GTF2I: variants seen among roughly 807,000 people sequenced by gnomAD.
GTF2I encodes the protein general transcription factor II-I.
In GTF2I, 12 loss-of-function variants were observed where a neutral mutation model predicts 67.6. The ratio of observed to expected loss-of-function variants is 0.18; its 90% CI spans 0.11 to 0.29. The LOEUF is 0.29. Ranked by LOEUF, GTF2I falls within the 10% of genes least tolerant of loss-of-function variation. GTF2I has a pLI of 1.00. For missense variants in GTF2I, 271 were observed against 580.1 expected, an observed-to-expected ratio of 0.47 and a Z score of 5.47; for synonymous variants, 149 against 197.0, an observed-to-expected ratio of 0.76 and a Z score of 2.04.
At chr7:74,697,877 TC>T (rs1215476300) in intron 3 of GTF2I, among the ~76,000 whole-genome samples, 1 of 152,134 alleles carries the variant, frequency 6.6e-6, no homozygotes, top group Non-Finnish European at 1.5e-5. Context: ...CAAGCAATTC[TC>T]CTGCCTCAGC....
chr7:74,753,501 GT>G (rs1795959689), intron 29 of GTF2I, among the ~76,000 whole-genome samples: 1 of 150,696 alleles, frequency 6.6e-6, no homozygotes, highest in South Asian at 2.1e-4. Context: ...GTGAAACCCT[GT>G]CTCTACTAAA....
chr7:74,730,775 C>T (rs1237630997), intron 14 of GTF2I, among the ~76,000 whole-genome samples: 2 of 107,764 alleles, frequency 1.9e-5, no homozygotes, highest in Non-Finnish European at 3.4e-5. Context: ...AGTACAATCT[C>T]GGCTCATTGC....
intron 1 of GTF2I, among the ~76,000 whole-genome samples, chr7:74,679,885 A>G (rs587670144): frequency 6.6e-6 from 1 of 151,990 alleles, no homozygotes; most frequent in East Asian, 1.9e-4. Flanking sequence ...GTTCAAGACC[A>G]GCCTGGCCAA....
Position 74,698,984 on chromosome 7 carries a change from GC to G in GTF2I, c.263del (p.Ala88GlufsTer6). On this transcript the variant is annotated frameshift_variant, in exon 4 of 35. Coordinates refer to ENST00000573035, the MANE Select transcript of GTF2I (RefSeq NM_032999.4). LOFTEE classifies it high-confidence loss of function. ...AGGTGTTGAAGAAGAAGAAAAAGCTGCAGAGATGCATAAAATGAAATCTACA... is the reference window on the plus strand; with the variant it reads ...AGGTGTTGAAGAAGAAGAAAAAGCTGAGAGATGCATAAAATGAAATCTACA... ...KYCVEEEEKA[A>X]EMHKMKSTTQ... is the part of the protein sequence containing the mutation. 6.9e-7 allele frequency: 1 copy of G among 1,456,800 alleles called. No individual in the cohort carries two copies. Among genetic ancestry groups the G allele is most frequent in the Non-Finnish European group, 9.2e-7 (1 of 1,088,142 alleles). 90.2% of individuals were successfully genotyped at this position (1,456,800 alleles called of 1,614,324 possible).
chr7:74,680,099 A>AATATATATATATATAT (rs1554393663), intron 1 of GTF2I, among the ~76,000 whole-genome samples: 4 of 94,972 alleles, frequency 4.2e-5, no homozygotes, highest in African/African-American at 8.0e-5. Flanking sequence ...AAAAAAAAAA[A>AATATATATATATATAT]ATATATATAT....
In GTF2I at chr7:74,668,026, G is replaced by A. The variant is rs145191793; in HGVS notation, c.-6+9958G>A. Among the ~76,000 whole-genome samples the A allele has an allele frequency of 5.7e-3, 861 of 151,484 alleles. 9 individuals carry two copies. The highest frequency in any genetic ancestry group is 0.02 in the African/African-American group (816 of 41,282). ...TTTTTGTATTTTTAGTAGAGATGGG[G>A]TTTCACCATGTTAGCCAGGATGGTC... On this transcript the variant is annotated intron_variant, in intron 1 of 34. Transcript: ENST00000573035.
chr7:74,703,645 G>A (rs1363530233), intron 6 of GTF2I, among the ~76,000 whole-genome samples: 1 of 152,208 alleles, frequency 6.6e-6, no homozygotes, highest in Non-Finnish European at 1.5e-5. Flanking sequence ...CTCCCAGAGT[G>A]CTGGGATTAT....
chr7:74,688,711 C>G (rs892793282), intron 1 of GTF2I, among the ~76,000 whole-genome samples: 1 of 152,170 alleles, frequency 6.6e-6, no homozygotes, highest in Non-Finnish European at 1.5e-5. Context: ...CTCCACTCAG[C>G]CTCAGTCCAC....
intron 8 of GTF2I, among the ~76,000 whole-genome samples, chr7:74,707,333 C>T (rs1014865013): frequency 6.6e-6 from 1 of 152,210 alleles, no homozygotes; most frequent in African/African-American, 2.4e-5. Context: ...GCCCTGCCTG[C>T]CCCCTCATCT....
intron 8 of GTF2I, among the ~76,000 whole-genome samples, chr7:74,707,695 G>T (rs1180025522): frequency 2.0e-5 from 3 of 151,850 alleles, no homozygotes; most frequent in African/African-American, 7.3e-5. Context: ...TTTTTGTGTG[G>T]TTTTCAGTAG....
intron 12 of GTF2I, among the ~76,000 whole-genome samples, chr7:74,723,370 G>A (rs1235131276): frequency 9.2e-5 from 13 of 140,606 alleles, no homozygotes; most frequent in Admixed American, 6.7e-4. Context: ...CTCGTGATCC[G>A]CCCACCTCAC....
intron 1 of GTF2I, among the ~76,000 whole-genome samples, chr7:74,683,418 T>G (rs1554394618): frequency 6.6e-6 from 1 of 152,116 alleles, no homozygotes; most frequent in Admixed American, 6.6e-5. Flanking sequence ...AAAATACCTT[T>G]CAAGAAAAAT....
rs587748611 is a variant in GTF2I at position 74,669,806 on chromosome 7, C to A, written c.-6+11738C>A. ...TCGACCTCCCAAAGTGCGGGGATTA[C>A]AGGTGTGAGCCACCGTGTCCGGCCA... On this transcript the variant is annotated intron_variant, in intron 1 of 34. Coordinates refer to ENST00000573035, the MANE Select transcript of GTF2I (RefSeq NM_032999.4). Among the ~76,000 whole-genome samples the A allele has an allele frequency of 3.9e-5, 6 of 152,272 alleles. No individual in the cohort carries two copies. In the South Asian group the frequency reaches 1.2e-3, roughly 32 times the overall value.
At chr7:74,662,570 G>A (rs1404758695) in intron 1 of GTF2I, among the ~76,000 whole-genome samples, 2 of 128,012 alleles carry the variant, frequency 1.6e-5, no homozygotes, top group Non-Finnish European at 3.1e-5. Flanking sequence ...TCGCCCAGGC[G>A]GGAGTGTAGG....
intron 11 of GTF2I, 44 bp downstream of exon 11, chr7:74,716,994 T>C (rs1554403763): frequency 6.4e-7 from 1 of 1,557,648 alleles, no homozygotes; most frequent in Admixed American, 1.7e-5. Context: ...ATTTGTTGTA[T>C]GTTTATTCTA....
intron 8 of GTF2I, 79 bp downstream of exon 8, chr7:74,706,512 A>C: frequency 9.3e-7 from 1 of 1,079,416 alleles, no homozygotes. Flanking sequence ...AGTTTGACTC[A>C]ATTATTGTTT....
At chr7:74,718,978 T>G (rs782495662) in intron 12 of GTF2I, 37 bp downstream of exon 12, 2 of 1,086,182 alleles carry the variant, frequency 1.8e-6, no homozygotes, top group Admixed American at 5.0e-5. Flanking sequence ...AAAGTTTACT[T>G]CTGGTCATAA....
chr7:74,689,275 T>G, intron 2 of GTF2I, 48 bp downstream of exon 2: 1 of 876,244 alleles, frequency 1.1e-6, no homozygotes, highest in African/African-American at 1.7e-5. Context: ...GCCTGCACTG[T>G]AGATAAGGTT....
At chr7:74,705,480 T>A (rs1790513894) in intron 7 of GTF2I, among the ~76,000 whole-genome samples, 1 of 152,164 alleles carries the variant, frequency 6.6e-6, no homozygotes, top group Non-Finnish European at 1.5e-5. Flanking sequence ...AATATGCTAT[T>A]CTGTAGTATT....
Sources: gnomAD v4.1 joint callset for allele counts (sites outside exome capture counted in the v4.1 genomes callset) on GRCh38, gnomAD v4.1.1 for gene constraint, MANE v1.5 for transcripts, NCBI Gene and HGNC (gene_info 2026-07-23, HGNC 2026-07-21) for gene names.